Variants in ATAD2B observed in about 807,000 individuals in gnomAD.
ATAD2B encodes ATPase family AAA domain containing 2B.
In ATAD2B, 40 loss-of-function variants were observed where a neutral mutation model predicts 167.6. The ratio of observed to expected loss-of-function variants is 0.24; its 90% CI spans 0.19 to 0.31. The LOEUF is 0.31. Ranked by LOEUF, ATAD2B falls within the 10% of genes least tolerant of loss-of-function variation. The pLI is 1.00. For synonymous variants in ATAD2B, 579 were observed against 596.5 expected, an observed-to-expected ratio of 0.97 and a Z score of 0.43; for missense variants, 1,242 against 1,757.2, an observed-to-expected ratio of 0.71 and a Z score of 5.24.
chr2:23,687,175 G>A, the ATAD2B span, among the ~76,000 whole-genome samples: 28 of 152,294 alleles, frequency 1.8e-4, no homozygotes, highest in African/African-American at 6.7e-4. Flanking sequence ...CTCTTGTAAG[G>A]GGAGGGAGTA....
At chr2:23,689,253 G>C in the ATAD2B span, 1 of 152,266 alleles carries the variant, frequency 6.6e-6, no homozygotes. Flanking sequence ...AGGAGGAACA[G>C]AGCCACAGCC....
the ATAD2B span, chr2:23,695,609 C>T: frequency 1.3e-6 from 2 of 1,541,230 alleles, no homozygotes; most frequent in Non-Finnish European, 8.8e-7. The surrounding 1 kb of genome is among the most constrained non-coding windows in gnomAD (Gnocchi z 7.6). Context: ...GATTCTGTCT[C>T]CTGTACCCTG....
At chr2:23,923,135 G>A (rs1704203025) in intron 1 of ATAD2B, among the ~76,000 whole-genome samples, 1 of 152,176 alleles carries the variant, frequency 6.6e-6, no homozygotes, top group Non-Finnish European at 1.5e-5. Flanking sequence ...TGTAGAAAAC[G>A]TGGTGTACAT....
intron 6 of ATAD2B, among the ~76,000 whole-genome samples, chr2:23,882,030 T>C (rs1320998158): frequency 7.5e-6 from 1 of 132,574 alleles, no homozygotes; most frequent in Admixed American, 8.5e-5. Flanking sequence ...TTTTTAAAAA[T>C]GATTTGGCAA....
chr2:23,872,284 G>T, intron 8 of ATAD2B: 1 of 500,838 alleles, frequency 2.0e-6, no homozygotes. Context: ...AGCTTCCACG[G>T]CTTTACGCAC....
At chr2:23,903,112 T>C (rs1701028413) in intron 1 of ATAD2B, among the ~76,000 whole-genome samples, 1 of 151,962 alleles carries the variant, frequency 6.6e-6, no homozygotes. Context: ...GGTCCATGCC[T>C]GCAGTCCCAG....
chr2:23,762,164 T>A, intron 24 of ATAD2B, 45 bp downstream of exon 24: 1 of 1,593,202 alleles, frequency 6.3e-7, no homozygotes, highest in Non-Finnish European at 8.6e-7. Context: ...TCTACATCAT[T>A]CTCAGTTGTT....
intron 22 of ATAD2B, among the ~76,000 whole-genome samples, chr2:23,782,540 G>A (rs1351574277): frequency 1.3e-5 from 2 of 152,124 alleles, no homozygotes; most frequent in East Asian, 3.8e-4. Flanking sequence ...ATCCTATTAT[G>A]GATTTCCATG....
chr2:23,888,365 C>T lies in ATAD2B; in HGVS notation c.403G>A (p.Gly135Arg). The T allele has an allele frequency of 6.3e-7, 1 of 1,591,500 alleles. No individual in the cohort carries two copies. Among genetic ancestry groups the T allele is most frequent in the Non-Finnish European group, 8.6e-7 (1 of 1,169,422 alleles). Residue 135 changes from glycine to arginine, a missense_variant, in exon 3 of 28, where the codon GGA becomes AGA. This residue lies in a region of ATAD2B where 199 missense variants were observed against 194.9 expected (regional missense o/e 1.02). Coordinates refer to ENST00000238789, the MANE Select transcript of ATAD2B (RefSeq NM_017552.4). ...GAATACTCACATAAGCCACTATGTC[C>T]ATTTGGTAATGTAGCACCAGGCTGA... ...TSQPGATLPN[G>R]HSGLSLRSHP... is the part of the protein sequence containing the mutation.
intron 1 of ATAD2B, among the ~76,000 whole-genome samples, chr2:23,908,702 G>C (rs1369368402): frequency 6.6e-6 from 1 of 152,002 alleles, no homozygotes; most frequent in Admixed American, 6.6e-5. Context: ...GTTTATTGTG[G>C]CATTATTCAC....
At chr2:23,761,098 A>G (rs1676686951) in intron 24 of ATAD2B, among the ~76,000 whole-genome samples, 1 of 152,236 alleles carries the variant, frequency 6.6e-6, no homozygotes, top group African/African-American at 2.4e-5. Flanking sequence ...CATAGAATGT[A>G]AAGAATTTCA....
intron 17 of ATAD2B, among the ~76,000 whole-genome samples, chr2:23,812,687 C>A (rs193056338): frequency 6.6e-6 from 1 of 151,900 alleles, no homozygotes; most frequent in Non-Finnish European, 1.5e-5. Context: ...ACGGTGAAAC[C>A]CCCGTCTCTA....
chr2:23,738,052 A>G, the ATAD2B span, among the ~76,000 whole-genome samples: 1 of 152,252 alleles, frequency 6.6e-6, no homozygotes, highest in Non-Finnish European at 1.5e-5. Context: ...GACTATGTGA[A>G]AAGACCAAAT....
chr2:23,862,272 C>A (rs764455688), intron 12 of ATAD2B, among the ~76,000 whole-genome samples: 1 of 151,994 alleles, frequency 6.6e-6, no homozygotes, highest in African/African-American at 2.4e-5. Flanking sequence ...AATGGGTGCT[C>A]AAAGCTTGAA....
rs531762566 is a variant in ATAD2B at position 23,835,037 on chromosome 2, TCAGA to T, written c.1569-963_1569-960del. Among the ~76,000 whole-genome samples the T allele has an allele frequency of 2.0e-4, 30 of 152,310 alleles. No individual in the cohort carries two copies. In the South Asian group the frequency reaches 6.0e-3, roughly 31 times the overall value. ...TTCCAAACCACCAGGATGACTATAATCAGACAGATAATTAACAGCTTTTGATGAG... is the reference window on the plus strand; with the variant it reads ...TTCCAAACCACCAGGATGACTATAATCAGATAATTAACAGCTTTTGATGAG... On this transcript the variant is annotated intron_variant, in intron 13 of 27. Coordinates refer to ENST00000238789, the MANE Select transcript of ATAD2B (RefSeq NM_017552.4).
At chr2:23,722,480 A>T in the ATAD2B span, among the ~76,000 whole-genome samples, 1 of 152,222 alleles carries the variant, frequency 6.6e-6, no homozygotes, top group Non-Finnish European at 1.5e-5. Context: ...ACAACAAACC[A>T]GACCAAGCAG....
At chr2:23,877,819 C>G (rs1183056176) in intron 7 of ATAD2B, among the ~76,000 whole-genome samples, 1 of 150,684 alleles carries the variant, frequency 6.6e-6, no homozygotes, top group African/African-American at 2.4e-5. Context: ...AACAGCACCA[C>G]TGCACTCCAG....
intron 13 of ATAD2B, among the ~76,000 whole-genome samples, chr2:23,848,133 C>G (rs1244042336): frequency 6.6e-6 from 1 of 151,948 alleles, no homozygotes; most frequent in African/African-American, 2.4e-5. Flanking sequence ...ATAGAGAGCA[C>G]CAGAAATGGT....
chr2:23,785,254 A>G (rs1346852556), intron 21 of ATAD2B, among the ~76,000 whole-genome samples: 1 of 152,120 alleles, frequency 6.6e-6, no homozygotes, highest in Non-Finnish European at 1.5e-5. Flanking sequence ...TTTTAAAAAA[A>G]GAAATGAATA....
Sources: gnomAD v4.1 joint callset for allele counts (sites outside exome capture counted in the v4.1 genomes callset) on GRCh38, gnomAD v4.1.1 for gene constraint, gnomAD v4.1.1 regional missense constraint, Gnocchi (gnomAD v3.1) non-coding constraint, MANE v1.5 for transcripts, NCBI Gene and HGNC (gene_info 2026-07-23, HGNC 2026-07-21) for gene names.